Variants in ATP10B observed in about 807,000 individuals in gnomAD.
ATP10B encodes the protein ATPase phospholipid transporting 10B (putative).
In ATP10B, 122 loss-of-function variants were observed where a neutral mutation model predicts 141.2. The observed-to-expected ratio is 0.86, with a 90% CI of 0.75 to 1.00. The LOEUF is 1.00. ATP10B is among the 50% of genes least tolerant of loss of function. The pLI is 0.00. For missense variants in ATP10B, 1,876 were observed against 1,825.3 expected (o/e 1.03, Z -0.51); for synonymous variants, 685 against 692.0 (o/e 0.99, Z 0.16).
chr5:160,715,314 G>A (rs1306419457), intron 3 of ATP10B, among the ~76,000 whole-genome samples: 15 of 130,986 alleles, frequency 1.1e-4, no homozygotes, highest in African/African-American at 3.5e-4. Flanking sequence ...ATATAGTCTC[G>A]TGGTGCGCCG....
intron 22 of ATP10B, among the ~76,000 whole-genome samples, chr5:160,593,773 T>C (rs2127615676): frequency 6.6e-6 from 1 of 152,280 alleles, no homozygotes; most frequent in South Asian, 2.1e-4. Context: ...TGCAGAAGCC[T>C]CAGGAGCCGA....
chr5:160,729,484 T>C (rs1766591748), intron 2 of ATP10B, among the ~76,000 whole-genome samples: 2 of 152,142 alleles, frequency 1.3e-5, no homozygotes, highest in Admixed American at 1.3e-4. Flanking sequence ...AAGGGGCTTG[T>C]AATGGGGTAG....
the ATP10B span, among the ~76,000 whole-genome samples, chr5:160,910,359 C>T: frequency 7.8e-3 from 1,195 of 152,230 alleles, 19 homozygotes; most frequent in African/African-American, 0.027. Flanking sequence ...CTGAGATCTC[C>T]TATTTGTATG....
chr5:160,622,528 A>T lies in ATP10B; in HGVS notation c.1678T>A (p.Trp560Arg). ...LLTKVRDAAL[W>R]LETLSDSRPA... is the part of the protein sequence containing the mutation. Reference sequence around the variant, plus strand: ...CTGCTGTCTGACAAGGTCTCCAACCACAGGGCAGCATCTCGAACCTTGGTC... The same window carrying T: ...CTGCTGTCTGACAAGGTCTCCAACCTCAGGGCAGCATCTCGAACCTTGGTC... Residue 560 changes from tryptophan (W) to arginine (R), a missense_variant, in exon 14 of 26, where the codon TGG (tryptophan) becomes AGG (arginine). Transcript: ENST00000327245. 8.1e-6 allele frequency: 13 copies of T among 1,614,072 alleles called. No individual in the cohort carries two copies. Among genetic ancestry groups the T allele is most frequent in the Non-Finnish European group, 1.1e-5 (13 of 1,179,984 alleles).
intron 1 of ATP10B, among the ~76,000 whole-genome samples, chr5:160,851,319 C>A (rs1370857096): frequency 6.6e-6 from 1 of 152,156 alleles, no homozygotes; most frequent in Admixed American, 6.6e-5. Flanking sequence ...TAATAGCAGG[C>A]CACAGGACTG....
intron 1 of ATP10B, among the ~76,000 whole-genome samples, chr5:160,806,593 G>A (rs543544588): frequency 2.0e-5 from 3 of 152,326 alleles, no homozygotes; most frequent in East Asian, 3.9e-4. Flanking sequence ...TCTAAGGAAG[G>A]GGGGGATAAT....
intron 3 of ATP10B, among the ~76,000 whole-genome samples, chr5:160,690,636 C>A (rs1764022553): frequency 1.3e-5 from 2 of 152,106 alleles, no homozygotes; most frequent in African/African-American, 2.4e-5. Context: ...TAGAGAAATG[C>A]AAATCAAAAC....
intron 2 of ATP10B, among the ~76,000 whole-genome samples, chr5:160,747,564 C>T (rs1351519426): frequency 6.6e-6 from 1 of 152,072 alleles, no homozygotes. Flanking sequence ...CAGGGGAAGA[C>T]AGAGGATAGA....
intron 1 of ATP10B, among the ~76,000 whole-genome samples, chr5:160,791,495 T>C (rs999706032): frequency 9.9e-5 from 15 of 152,096 alleles, no homozygotes; most frequent in African/African-American, 3.4e-4. Flanking sequence ...AGTCTGGAGA[T>C]AGGCAGTCCA....
Position 160,782,903 on chromosome 5 carries a change from T to A in ATP10B, c.-331+2656A>T, listed in dbSNP as rs186542763. Among the ~76,000 whole-genome samples, 398 of 152,254 alleles carry A rather than the reference T, an allele frequency of 2.6e-3. 6 individuals carry two copies. Among genetic ancestry groups the A allele is most frequent in the African/African-American group, 9.4e-3 (392 of 41,564 alleles). On this transcript the variant is annotated intron_variant, in intron 2 of 25. Coordinates refer to ENST00000327245, the MANE Select transcript of ATP10B (RefSeq NM_025153.3). Reference sequence around the variant, plus strand: ...CTCACTATGTAACATTGTATTCATATGTGTTATGTGTTTATACATAACAGG... The same window carrying A: ...CTCACTATGTAACATTGTATTCATAAGTGTTATGTGTTTATACATAACAGG...
intron 16 of ATP10B, among the ~76,000 whole-genome samples, chr5:160,617,495 C>T (rs964405019): frequency 5.3e-5 from 8 of 152,032 alleles, no homozygotes; most frequent in Non-Finnish European, 7.4e-5. Flanking sequence ...TAAAAGAAAC[C>T]GGAAATCTAG....
chr5:160,855,739 A>G (rs527372980), upstream of ATP10B, among the ~76,000 whole-genome samples: 7 of 152,018 alleles, frequency 4.6e-5, no homozygotes, highest in East Asian at 1.9e-4. Context: ...ATTTAAGTCT[A>G]TGATCCATTT....
chr5:160,808,350 A>T (rs1481905062), intron 1 of ATP10B, among the ~76,000 whole-genome samples: 1 of 152,186 alleles, frequency 6.6e-6, no homozygotes, highest in Non-Finnish European at 1.5e-5. Context: ...ATTCCCTATG[A>T]GGACAATACT....
intron 22 of ATP10B, among the ~76,000 whole-genome samples, chr5:160,596,900 AAAG>A (rs1291331901): frequency 3.3e-5 from 5 of 152,358 alleles, no homozygotes; most frequent in Admixed American, 2.0e-4. Context: ...AAGAGGATAC[AAAG>A]AAGTGGAAGA....
intron 25 of ATP10B, among the ~76,000 whole-genome samples, chr5:160,569,248 T>C (rs978303763): frequency 1.2e-4 from 19 of 152,232 alleles, no homozygotes; most frequent in African/African-American, 4.6e-4. Context: ...ACTCCCATTT[T>C]ATAGATGTCA....
intron 2 of ATP10B, among the ~76,000 whole-genome samples, chr5:160,741,019 C>T (rs542712836): frequency 6.6e-6 from 1 of 152,328 alleles, no homozygotes; most frequent in African/African-American, 2.4e-5. Flanking sequence ...GGGAGCTATT[C>T]AGTATACAAG....
chr5:160,682,099 T>C (rs1763438558), intron 6 of ATP10B, among the ~76,000 whole-genome samples: 1 of 152,242 alleles, frequency 6.6e-6, no homozygotes, highest in African/African-American at 2.4e-5. Context: ...ATCTGGTCCC[T>C]GTAGCCAATT....
intron 13 of ATP10B, among the ~76,000 whole-genome samples, chr5:160,630,308 G>C (rs958638636): frequency 1.3e-5 from 2 of 152,186 alleles, no homozygotes; most frequent in African/African-American, 4.8e-5. Flanking sequence ...TCTGGGGTTA[G>C]TGTGTCCCTC....
intron 19 of ATP10B, among the ~76,000 whole-genome samples, chr5:160,605,085 C>G (rs1757308061): frequency 1.3e-5 from 2 of 152,114 alleles, no homozygotes; most frequent in African/African-American, 4.8e-5. Context: ...CAAAAACATG[C>G]CATGGGTTGG....
Sources: gnomAD v4.1 joint callset for allele counts (sites outside exome capture counted in the v4.1 genomes callset) on GRCh38, gnomAD v4.1.1 for gene constraint, MANE v1.5 for transcripts, NCBI Gene and HGNC (gene_info 2026-07-23, HGNC 2026-07-21) for gene names.